The following CSMD1 variants were observed in gnomAD, a reference collection of about 807,000 sequenced individuals.
CSMD1 encodes CUB and sushi domain-containing protein 1.
Under a neutral mutation model 417.5 loss-of-function variants are expected in CSMD1, and 213 were observed. The ratio of observed to expected loss-of-function variants is 0.51; its 90% CI spans 0.46 to 0.57. The LOEUF is 0.57. Among genes scored for constraint, CSMD1 ranks in the 20% least tolerant of loss-of-function variants. The pLI is 0.00. For synonymous variants in CSMD1, 2,862 were observed against 1,736.8 expected (o/e 1.65, Z -16.11); for missense variants, 6,923 against 4,529.7 (o/e 1.53, Z -15.17).
intron 5 of CSMD1, among the ~76,000 whole-genome samples, chr8:3,944,511 G>A (rs1430501889): frequency 6.6e-6 from 1 of 151,896 alleles, no homozygotes; most frequent in Admixed American, 6.6e-5. Flanking sequence ...CTTTAGATTA[G>A]GCAGAGTTTG....
intron 3 of CSMD1, among the ~76,000 whole-genome samples, chr8:4,252,839 T>C (rs527722894): frequency 6.6e-6 from 1 of 152,226 alleles, no homozygotes; most frequent in East Asian, 1.9e-4. Flanking sequence ...ATGACTGGAG[T>C]TGCAGCAGCC....
intron 69 of CSMD1, among the ~76,000 whole-genome samples, chr8:2,939,318 C>T (rs1460362895): frequency 1.3e-5 from 2 of 152,208 alleles, no homozygotes; most frequent in Non-Finnish European, 2.9e-5. Context: ...CAAGTTTAAG[C>T]TTTTAGTTCA....
At chr8:4,024,745 C>T (rs898519856) in intron 4 of CSMD1, among the ~76,000 whole-genome samples, 2 of 152,084 alleles carry the variant, frequency 1.3e-5, no homozygotes, top group African/African-American at 2.4e-5. Flanking sequence ...TACTGCAGGC[C>T]GCTCTGTGAA....
chr8:3,235,130 T>G (rs1799075683), intron 26 of CSMD1, among the ~76,000 whole-genome samples: 1 of 152,178 alleles, frequency 6.6e-6, no homozygotes, highest in Non-Finnish European at 1.5e-5. Context: ...TTAAAATAAT[T>G]GTCATACAGT....
chr8:3,256,633 C>A (rs944014675), intron 26 of CSMD1, among the ~76,000 whole-genome samples: 5 of 152,222 alleles, frequency 3.3e-5, no homozygotes, highest in African/African-American at 1.2e-4. Context: ...AATCCCACTT[C>A]CAACATGTGT....
rs1432672365 is a variant in CSMD1 at position 2,974,697 on chromosome 8, C to G, written c.8567-73G>C. On this transcript the variant is annotated intron_variant, in intron 55 of 69. Coordinates refer to ENST00000635120, the MANE Select transcript of CSMD1 (RefSeq NM_033225.6). ...ACTTTGTATTGGAAAATCTCCCATA[C>G]AGACACCCATACTGACATCATGTAT... 3.5e-6 allele frequency: 4 copies of G among 1,146,928 alleles called. No individual in the cohort carries two copies. In the African/African-American group the frequency reaches 4.6e-5, roughly 13 times the overall value. The allele number at this position is 1,146,928 out of a possible 1,614,324, so 71.0% of individuals were successfully genotyped here. A position where few individuals can be genotyped will look rare whatever the true frequency, so the allele number is the denominator to read the frequency against.
intron 52 of CSMD1, 47 bp downstream of exon 52, chr8:3,018,430 T>C (rs752710591): frequency 6.4e-7 from 1 of 1,566,624 alleles, no homozygotes; most frequent in Non-Finnish European, 8.7e-7. Context: ...AATCTATTTC[T>C]AAGGTTTATC....
In CSMD1 at chr8:4,237,625, C is replaced by G. The variant is rs139008867; in HGVS notation, c.415+182328G>C. Among the ~76,000 whole-genome samples the G allele has an allele frequency of 1.2e-3, 183 of 152,100 alleles. 1 individual carries two copies. Among genetic ancestry groups the G allele is most frequent in the African/African-American group, 3.7e-3 (155 of 41,506 alleles). ...TCACAACTTACTGCAGCCTCAACCT[C>G]CTGCCTCACCCTTTCTAGTAGCTGA... is the stretch of plus-strand genomic sequence containing the variant. On this transcript the variant is annotated intron_variant, in intron 3 of 69. Transcript: ENST00000635120.
chr8:4,714,959 T>G (rs529735546), intron 1 of CSMD1, among the ~76,000 whole-genome samples: 1 of 152,368 alleles, frequency 6.6e-6, no homozygotes, highest in African/African-American at 2.4e-5. Context: ...CTGCTGTTTT[T>G]GTAAAATTAG....
intron 3 of CSMD1, among the ~76,000 whole-genome samples, chr8:4,357,572 C>T (rs181534544): frequency 1.3e-5 from 2 of 152,130 alleles, no homozygotes; most frequent in African/African-American, 2.4e-5. Context: ...CTGTCATTCT[C>T]CATGGTCTGC....
At chr8:3,300,709 T>A (rs1804325336) in intron 25 of CSMD1, among the ~76,000 whole-genome samples, 1 of 151,874 alleles carries the variant, frequency 6.6e-6, no homozygotes, top group South Asian at 2.1e-4. Context: ...CTAATCCCAG[T>A]GCTTTGGGAG....
At chr8:4,673,643 T>C (rs553095339) in intron 1 of CSMD1, among the ~76,000 whole-genome samples, 2 of 152,316 alleles carry the variant, frequency 1.3e-5, no homozygotes, top group African/African-American at 2.4e-5. Flanking sequence ...TTTGTGGTTC[T>C]AGTCCTCATT....
intron 59 of CSMD1, among the ~76,000 whole-genome samples, chr8:2,965,354 G>A (rs1460362195): frequency 6.6e-6 from 1 of 152,100 alleles, no homozygotes; most frequent in Admixed American, 6.5e-5. Flanking sequence ...CTCTCTACCA[G>A]TGCTCTGCCA....
At chr8:3,418,111 T>G (rs1028232465) in intron 12 of CSMD1, among the ~76,000 whole-genome samples, 1 of 152,218 alleles carries the variant, frequency 6.6e-6, no homozygotes, top group African/African-American at 2.4e-5. Context: ...TTGCTTTTCA[T>G]ACAAATGTGC....
At chr8:3,999,335 T>C (rs1815477069) in intron 4 of CSMD1, among the ~76,000 whole-genome samples, 1 of 152,160 alleles carries the variant, frequency 6.6e-6, no homozygotes, top group Non-Finnish European at 1.5e-5. Context: ...GTGCATATCT[T>C]CGACCCTACC....
At chr8:4,611,817 A>T (rs1339142677) in intron 2 of CSMD1, among the ~76,000 whole-genome samples, 1 of 152,128 alleles carries the variant, frequency 6.6e-6, no homozygotes, top group African/African-American at 2.4e-5. Context: ...TGCGAATTTA[A>T]CCTCAGCTTA....
chr8:4,255,450 T>C (rs907233688), intron 3 of CSMD1, among the ~76,000 whole-genome samples: 52 of 152,348 alleles, frequency 3.4e-4, no homozygotes, highest in African/African-American at 1.3e-3. Flanking sequence ...TTTGAAATAA[T>C]ATAAAAATGA....
intron 1 of CSMD1, among the ~76,000 whole-genome samples, chr8:4,880,509 C>G (rs533729648): frequency 6.6e-6 from 1 of 152,140 alleles, no homozygotes; most frequent in South Asian, 2.1e-4. Flanking sequence ...TCATACAGAA[C>G]CACTCCCTTT....
chr8:4,574,667 A>C (rs2130670679), intron 2 of CSMD1, among the ~76,000 whole-genome samples: 1 of 152,350 alleles, frequency 6.6e-6, no homozygotes, highest in Non-Finnish European at 1.5e-5. Flanking sequence ...TCTTTGAATT[A>C]GCTATACGCT....
Sources: gnomAD v4.1 joint callset for allele counts (sites outside exome capture counted in the v4.1 genomes callset) on GRCh38, gnomAD v4.1.1 for gene constraint, MANE v1.5 for transcripts, NCBI Gene and HGNC (gene_info 2026-07-23, HGNC 2026-07-21) for gene names.